RPTOR: variants seen among roughly 807,000 people sequenced by gnomAD.
The protein encoded by RPTOR is regulatory associated protein of MTOR complex 1.
In RPTOR, 21 loss-of-function variants were observed where a neutral mutation model predicts 169.9. The observed-to-expected ratio is 0.12, with a 90% CI of 0.09 to 0.18. The LOEUF is 0.18. Among genes scored for constraint, RPTOR ranks in the 10% least tolerant of loss-of-function variants. RPTOR has a pLI of 1.00. For missense variants in RPTOR, 1,133 were observed against 1,855.9 expected, an observed-to-expected ratio of 0.61 and a Z score of 7.16; for synonymous variants, 732 against 753.2, an observed-to-expected ratio of 0.97 and a Z score of 0.46.
intron 13 of RPTOR, among the ~76,000 whole-genome samples, chr17:80,869,633 C>A (rs572319796): frequency 2.0e-4 from 30 of 152,202 alleles, no homozygotes; most frequent in African/African-American, 7.0e-4. Context: ...GCGTGTCAGG[C>A]AGCAGGATTG....
chr17:80,720,793 G>A (rs546878420), intron 4 of RPTOR, among the ~76,000 whole-genome samples: 5 of 145,322 alleles, frequency 3.4e-5, no homozygotes, highest in South Asian at 4.1e-4. Context: ...TTCTGTGGCC[G>A]TGGGTGGGGC....
At chr17:80,602,813 G>T in intron 1 of RPTOR, 1 of 676,130 alleles carries the variant, frequency 1.5e-6, no homozygotes, top group South Asian at 1.5e-5. Context: ...CACGCTTCAT[G>T]AAGCCCACTC....
intron 1 of RPTOR, among the ~76,000 whole-genome samples, chr17:80,590,426 C>T (rs564769795): frequency 2.0e-3 from 293 of 148,144 alleles, no homozygotes; most frequent in Admixed American, 2.8e-3. Flanking sequence ...CACACGTGCA[C>T]ACAGTGTCTT....
At chr17:80,703,048 C>G (rs79263528) in intron 3 of RPTOR, among the ~76,000 whole-genome samples, 1 of 152,196 alleles carries the variant, frequency 6.6e-6, no homozygotes, top group African/African-American at 2.4e-5. Flanking sequence ...TCGATGGGCC[C>G]GTGCTCCAGG....
intron 3 of RPTOR, among the ~76,000 whole-genome samples, chr17:80,694,062 C>T (rs1044228897): frequency 2.6e-5 from 4 of 152,256 alleles, no homozygotes; most frequent in Non-Finnish European, 5.9e-5. Flanking sequence ...GTAAAGAGCG[C>T]TGTCAAGAAT....
chr17:80,786,138 AAGTT>A (rs1484768574), intron 6 of RPTOR, among the ~76,000 whole-genome samples: 1 of 152,158 alleles, frequency 6.6e-6, no homozygotes, highest in African/African-American at 2.4e-5. Context: ...GGGAGAGTGA[AAGTT>A]AGACTGACGC....
In RPTOR at chr17:80,960,881, C is replaced by T. The variant is rs569127665; in HGVS notation, c.3606-513C>T. On this transcript the variant is annotated intron_variant, in intron 30 of 33. Coordinates refer to ENST00000306801, the MANE Select transcript of RPTOR (RefSeq NM_020761.3). The surrounding 1 kb of genome is among the most constrained non-coding windows in gnomAD (Gnocchi z 4.8). ...TGTCCGGGCCTAGCAGGGGACAGTC[C>T]GTCTTGGCCCACACGGCTCATGCAG... The T allele has an allele frequency of 3.0e-5, 5 of 165,036 alleles. No homozygotes were observed. The highest frequency in any genetic ancestry group is 1.7e-4 in the East Asian group (1 of 5,796). 10.2% of individuals were successfully genotyped at this position (165,036 alleles called of 1,614,324 possible). A position where few individuals can be genotyped will look rare whatever the true frequency, so the allele number is the denominator to read the frequency against.
intron 1 of RPTOR, among the ~76,000 whole-genome samples, chr17:80,608,867 G>A (rs1006205560): frequency 6.0e-4 from 92 of 152,344 alleles, no homozygotes; most frequent in African/African-American, 2.0e-3. Flanking sequence ...AGATGGAACC[G>A]CTATAGTCTG....
intron 1 of RPTOR, among the ~76,000 whole-genome samples, chr17:80,579,823 G>A (rs777086605): frequency 4.4e-4 from 67 of 152,242 alleles, no homozygotes; most frequent in Non-Finnish European, 2.2e-4. Flanking sequence ...GGATTTCAGC[G>A]CAGGTCTTTT....
chr17:80,962,394 C>T (rs977687118), intron 31 of RPTOR, 67 bp from the exon 32 acceptor site: 7 of 1,299,188 alleles, frequency 5.4e-6, no homozygotes, highest in Non-Finnish European at 7.7e-6. Flanking sequence ...CTGGTTCCAC[C>T]GTCCCCCTGG....
intron 1 of RPTOR, among the ~76,000 whole-genome samples, chr17:80,625,117 C>A (rs574102142): frequency 6.6e-6 from 1 of 152,208 alleles, no homozygotes; most frequent in Admixed American, 6.5e-5. Flanking sequence ...GTGAGTGTGG[C>A]CAGGCCGCAG....
intron 20 of RPTOR, among the ~76,000 whole-genome samples, chr17:80,902,577 G>GC (rs553330548): frequency 6.6e-6 from 1 of 152,238 alleles, no homozygotes; most frequent in African/African-American, 2.4e-5. Flanking sequence ...ACCTGTCCCG[G>GC]CCCCCAGCCC....
chr17:80,674,928 A>T (rs2065851737), intron 3 of RPTOR, among the ~76,000 whole-genome samples: 1 of 152,184 alleles, frequency 6.6e-6, no homozygotes, highest in Non-Finnish European at 1.5e-5. Flanking sequence ...TATGGAAATG[A>T]ATCGTCCTGA....
At chr17:80,903,471 G>A (rs777873106) in intron 20 of RPTOR, among the ~76,000 whole-genome samples, 2 of 152,212 alleles carry the variant, frequency 1.3e-5, no homozygotes, top group Non-Finnish European at 1.5e-5. Context: ...CCTCTCAGCC[G>A]CACACATTGC....
chr17:80,874,539 C>T (rs535077026), intron 13 of RPTOR, among the ~76,000 whole-genome samples: 1 of 152,104 alleles, frequency 6.6e-6, no homozygotes, highest in Non-Finnish European at 1.5e-5. Context: ...TATCTTGCCT[C>T]ACTTGGCGAG....
chr17:80,556,067 C>T (rs187465375), intron 1 of RPTOR, among the ~76,000 whole-genome samples: 68 of 150,982 alleles, frequency 4.5e-4, no homozygotes, highest in African/African-American at 1.3e-3. Flanking sequence ...TTGTGGTTCC[C>T]GAGACTCACA....
chr17:80,731,051 G>T (rs1263239592), intron 5 of RPTOR, among the ~76,000 whole-genome samples: 1 of 152,014 alleles, frequency 6.6e-6, no homozygotes, highest in African/African-American at 2.4e-5. Context: ...GCTAATTTTT[G>T]TAGTTTTTGT....
intron 1 of RPTOR, among the ~76,000 whole-genome samples, chr17:80,596,958 G>T (rs1401553507): frequency 6.6e-6 from 1 of 152,186 alleles, no homozygotes; most frequent in Non-Finnish European, 1.5e-5. Flanking sequence ...AGGCAGTGCT[G>T]GACAGCCGAT....
chr17:80,939,969 G>A (rs1439215233), intron 24 of RPTOR, among the ~76,000 whole-genome samples: 1 of 152,210 alleles, frequency 6.6e-6, no homozygotes, highest in Non-Finnish European at 1.5e-5. Flanking sequence ...ACACAGGCGT[G>A]GAGAGCGCCT....
Sources: allele counts gnomAD v4.1 joint callset (sites outside exome capture counted in the v4.1 genomes callset), GRCh38; gene constraint gnomAD v4.1.1; non-coding constraint Gnocchi (gnomAD v3.1); transcripts MANE v1.5; gene names NCBI Gene and HGNC (gene_info 2026-07-23, HGNC 2026-07-21).